Variants in GMDS observed in about 807,000 individuals in gnomAD.
The protein encoded by GMDS is GDP-mannose 4,6-dehydratase, also known as GDP-mannose 4,6 dehydratase.
In GMDS, 20 loss-of-function variants were observed where a neutral mutation model predicts 49.9. The observed-to-expected ratio is 0.40, with a 90% confidence interval of 0.28 to 0.58. The LOEUF is 0.58. Ranked by LOEUF, GMDS falls within the 20% of genes least tolerant of loss-of-function variation. GMDS has a pLI of 0.42. For missense variants in GMDS, 362 were observed against 481.4 expected (o/e 0.75, Z 2.32); for synonymous variants, 177 against 178.6 (o/e 0.99, Z 0.07).
chr6:1,705,324 G>C (rs887309404), intron 9 of GMDS, among the ~76,000 whole-genome samples: 5 of 152,336 alleles, frequency 3.3e-5, no homozygotes, highest in Admixed American at 1.3e-4. Flanking sequence ...AAAACACACA[G>C]GTGGACATTT....
chr6:1,715,104 A>G (rs1766127899), intron 9 of GMDS, among the ~76,000 whole-genome samples: 2 of 152,252 alleles, frequency 1.3e-5, no homozygotes, highest in Non-Finnish European at 2.9e-5. Flanking sequence ...AAACATAAGG[A>G]GACAGGAAAG....
intron 7 of GMDS, among the ~76,000 whole-genome samples, chr6:1,793,780 A>C (rs934433086): frequency 6.6e-6 from 1 of 152,234 alleles, no homozygotes; most frequent in Non-Finnish European, 1.5e-5. Context: ...GAGAAACACA[A>C]ATTCCCTGCC....
intron 8 of GMDS, among the ~76,000 whole-genome samples, chr6:1,739,815 C>T (rs1767191113): frequency 6.6e-6 from 1 of 152,202 alleles, no homozygotes. Context: ...GAAGGAGCAC[C>T]AGGTACCTAA....
intron 9 of GMDS, among the ~76,000 whole-genome samples, chr6:1,665,239 C>T (rs1461782509): frequency 6.6e-6 from 1 of 152,180 alleles, no homozygotes; most frequent in African/African-American, 2.4e-5. Flanking sequence ...CTAATGCTAT[C>T]TCTCCCCCCT....
At chr6:2,176,977 G>A (rs145449128) in intron 1 of GMDS, among the ~76,000 whole-genome samples, 2 of 152,248 alleles carry the variant, frequency 1.3e-5, no homozygotes, top group Admixed American at 6.5e-5. Flanking sequence ...GGAAAGGGAT[G>A]GTCTCAGAAA....
chr6:1,959,096 G>A (rs1409931932), intron 6 of GMDS, among the ~76,000 whole-genome samples: 2 of 152,140 alleles, frequency 1.3e-5, no homozygotes, highest in East Asian at 3.8e-4. Context: ...CAAGGGAGTG[G>A]GGAATAAGGG....
At chr6:2,082,328 G>A (rs1411869090) in intron 4 of GMDS, among the ~76,000 whole-genome samples, 1 of 152,174 alleles carries the variant, frequency 6.6e-6, no homozygotes, top group African/African-American at 2.4e-5. Flanking sequence ...GCAGCACAAA[G>A]AATGAGGTAC....
intron 7 of GMDS, among the ~76,000 whole-genome samples, chr6:1,896,578 G>C (rs1001756683): frequency 6.6e-6 from 1 of 152,172 alleles, no homozygotes; most frequent in African/African-American, 2.4e-5. Flanking sequence ...GCTGGGAGGA[G>C]AGGGGGTGTC....
At chr6:2,044,614 C>A (rs986238745) in intron 4 of GMDS, among the ~76,000 whole-genome samples, 2 of 152,140 alleles carry the variant, frequency 1.3e-5, no homozygotes, top group African/African-American at 4.8e-5. Flanking sequence ...CTCATGGGTA[C>A]TAGGCTTAAT....
At chr6:2,064,797 G>T (rs111257598) in intron 4 of GMDS, among the ~76,000 whole-genome samples, 1 of 152,128 alleles carries the variant, frequency 6.6e-6, no homozygotes, top group Non-Finnish European at 1.5e-5. Flanking sequence ...GATTCTTTGG[G>T]GATGCCACAA....
intron 9 of GMDS, among the ~76,000 whole-genome samples, chr6:1,681,652 C>T (rs1446943949): frequency 5.9e-5 from 9 of 152,310 alleles, no homozygotes; most frequent in Middle Eastern, 6.8e-3. Flanking sequence ...GCAACCCCCA[C>T]CATAAAGTGC....
At chr6:1,799,187 G>A (rs1039884397) in intron 7 of GMDS, among the ~76,000 whole-genome samples, 1 of 152,178 alleles carries the variant, frequency 6.6e-6, no homozygotes, top group African/African-American at 2.4e-5. Context: ...GGTGGAGGGT[G>A]CGGGTGGTGA....
At chr6:2,203,915 C>T (rs1779667809) in intron 1 of GMDS, among the ~76,000 whole-genome samples, 1 of 152,200 alleles carries the variant, frequency 6.6e-6, no homozygotes, top group Admixed American at 6.5e-5. Context: ...GACCAACATA[C>T]ATCAGCATTT....
rs567334464 is a variant in GMDS at position 1,845,372 on chromosome 6, T to C, written c.771+84731A>G. 4.6e-5 allele frequency among the ~76,000 whole-genome samples: 7 copies of C among 152,316 alleles called. No homozygotes were observed. The South Asian group carries it at 1.4e-3, about 32-fold the overall frequency. On this transcript the variant is annotated intron_variant, in intron 7 of 10. Coordinates refer to ENST00000380815, the MANE Select transcript of GMDS (RefSeq NM_001500.4). Reference sequence around the variant, plus strand: ...GGATACCCAGATTCTCTTTGTACCATTTATCAGTGATGAGCATATATATAT... The same window carrying C: ...GGATACCCAGATTCTCTTTGTACCACTTATCAGTGATGAGCATATATATAT...
chr6:1,787,039 C>T (rs1388953519), intron 7 of GMDS, among the ~76,000 whole-genome samples: 1 of 152,166 alleles, frequency 6.6e-6, no homozygotes, highest in Non-Finnish European at 1.5e-5. Flanking sequence ...TCTCCAGACT[C>T]ATCTGTGTCA....
intron 1 of GMDS, among the ~76,000 whole-genome samples, chr6:2,197,901 T>C (rs1779343734): frequency 1.3e-5 from 2 of 152,166 alleles, no homozygotes; most frequent in African/African-American, 2.4e-5. Flanking sequence ...CAAGCTGTTA[T>C]TGAGAAACAA....
At chr6:1,853,311 G>A (rs1757777717) in intron 7 of GMDS, among the ~76,000 whole-genome samples, 2 of 151,496 alleles carry the variant, frequency 1.3e-5, no homozygotes, top group Non-Finnish European at 2.9e-5. Context: ...GAGGTCAGGA[G>A]ATCGAGACCA....
chr6:1,893,256 C>A (rs145138786), intron 7 of GMDS, among the ~76,000 whole-genome samples: 2,555 of 146,986 alleles, frequency 0.017, 75 homozygotes, highest in African/African-American at 0.061. Context: ...TGCAGTGGCG[C>A]GATGTCAGCT....
chr6:1,952,275 C>T (rs957978380), intron 6 of GMDS: 2 of 152,116 alleles, frequency 1.3e-5, no homozygotes, highest in Non-Finnish European at 2.9e-5. Flanking sequence ...GCTTAATACA[C>T]ATTTTTAAAA....
Sources: gnomAD v4.1 joint callset for allele counts (sites outside exome capture counted in the v4.1 genomes callset) on GRCh38, gnomAD v4.1.1 for gene constraint, MANE v1.5 for transcripts, NCBI Gene and HGNC (gene_info 2026-07-23, HGNC 2026-07-21) for gene names.